MCC: variants seen among roughly 807,000 people sequenced by gnomAD.
MCC encodes colorectal mutant cancer protein.
Under a neutral mutation model 116.2 loss-of-function variants are expected in MCC, and 90 were observed. The ratio of observed to expected loss-of-function variants is 0.77; its 90% confidence interval spans 0.65 to 0.92. MCC has a LOEUF of 0.92. MCC is among the 40% of genes least tolerant of loss of function. The probability of loss-of-function intolerance (pLI) is 0.00; values close to 1 mark genes in which losing one functional copy is unlikely to be tolerated. For synonymous variants in MCC, 578 were observed against 510.5 expected, an observed-to-expected ratio of 1.13 and a Z score of -1.78; for missense variants, 1,516 against 1,312.2, an observed-to-expected ratio of 1.16 and a Z score of -2.40.
At chr5:113,349,812 G>T (rs956692121) in intron 2 of MCC, among the ~76,000 whole-genome samples, 1 of 151,954 alleles carries the variant, frequency 6.6e-6, no homozygotes, top group Middle Eastern at 3.4e-3. Context: ...CCACCAAAAA[G>T]TTATTAGAAC....
intron 8 of MCC, among the ~76,000 whole-genome samples, chr5:113,098,612 TTGC>T (rs890228934): frequency 3.3e-5 from 5 of 152,224 alleles, no homozygotes; most frequent in Non-Finnish European, 7.3e-5. Context: ...AAATTGCCTG[TTGC>T]TCCTTAGGTA....
intron 3 of MCC, among the ~76,000 whole-genome samples, chr5:113,177,893 A>G (rs571665310): frequency 6.6e-6 from 1 of 152,330 alleles, no homozygotes; most frequent in South Asian, 2.1e-4. Flanking sequence ...ATCTTTACTA[A>G]TTTAAAATAA....
chr5:113,109,673 T>C (rs1756969631), intron 6 of MCC, among the ~76,000 whole-genome samples: 1 of 152,302 alleles, frequency 6.6e-6, no homozygotes, highest in South Asian at 2.1e-4. Context: ...AATAAATGTA[T>C]ATCAGTGAGT....
chr5:113,085,886 C>T (rs1014779174), intron 8 of MCC, among the ~76,000 whole-genome samples: 14 of 152,128 alleles, frequency 9.2e-5, no homozygotes, highest in South Asian at 8.3e-4. Flanking sequence ...GATAGAGTCT[C>T]GCTATGTTGC....
At chr5:113,453,128 T>C (rs570525625) in intron 1 of MCC, among the ~76,000 whole-genome samples, 13 of 152,344 alleles carry the variant, frequency 8.5e-5, no homozygotes, top group African/African-American at 2.2e-4. Context: ...AGCAGTCTTA[T>C]TGAGTTTTCC....
At chr5:113,425,067 C>T (rs1770445497) in intron 1 of MCC, among the ~76,000 whole-genome samples, 1 of 151,954 alleles carries the variant, frequency 6.6e-6, no homozygotes, top group African/African-American at 2.4e-5. Flanking sequence ...ATAGGGTCCA[C>T]AAAGGACCAC....
intron 1 of MCC, among the ~76,000 whole-genome samples, chr5:113,472,004 C>T (rs1003409728): frequency 3.9e-5 from 6 of 152,100 alleles, no homozygotes; most frequent in African/African-American, 7.2e-5. Context: ...TTTTTAAGCC[C>T]GTTGGAAAAG....
At chr5:113,093,489 C>A (rs1755789040) in intron 8 of MCC, among the ~76,000 whole-genome samples, 1 of 151,968 alleles carries the variant, frequency 6.6e-6, no homozygotes. Context: ...CTCTCTCTCT[C>A]TCAATCAATC....
chr5:113,417,802 G>A (rs778061145), intron 1 of MCC, among the ~76,000 whole-genome samples: 1 of 152,026 alleles, frequency 6.6e-6, no homozygotes, highest in African/African-American at 2.4e-5. Context: ...AGTGGTACAC[G>A]CCTGTAGTCC....
intron 3 of MCC, among the ~76,000 whole-genome samples, chr5:113,327,201 T>C (rs1235878555): frequency 6.6e-6 from 1 of 151,992 alleles, no homozygotes; most frequent in Non-Finnish European, 1.5e-5. Flanking sequence ...ACTCCTAAGC[T>C]GTTTGCTTGA....
chr5:113,457,541 G>C (rs1771607616), intron 1 of MCC, among the ~76,000 whole-genome samples: 1 of 152,214 alleles, frequency 6.6e-6, no homozygotes, highest in Non-Finnish European at 1.5e-5. Flanking sequence ...CGCATGGCGT[G>C]GGACTGGCAG....
chr5:113,127,555 G>C (rs1284946991), intron 5 of MCC, among the ~76,000 whole-genome samples: 1 of 152,194 alleles, frequency 6.6e-6, no homozygotes. Context: ...TGACTGGTGT[G>C]AGATGGTGTG....
chr5:113,295,748 T>C (rs1766692945), intron 3 of MCC, among the ~76,000 whole-genome samples: 1 of 152,134 alleles, frequency 6.6e-6, no homozygotes, highest in Admixed American at 6.5e-5. Flanking sequence ...GGAACTAGGA[T>C]TTTTCTCTCC....
intron 1 of MCC, among the ~76,000 whole-genome samples, chr5:113,395,955 G>C (rs1249306586): frequency 6.6e-6 from 1 of 152,168 alleles, no homozygotes; most frequent in Admixed American, 6.5e-5. Context: ...GGCTTCCTAA[G>C]TAGTTCAGAG....
intron 6 of MCC, among the ~76,000 whole-genome samples, chr5:113,111,939 C>T (rs139316588): frequency 2.9e-4 from 44 of 152,320 alleles, no homozygotes; most frequent in African/African-American, 6.3e-4. Flanking sequence ...CCATTAACTA[C>T]GGCAGAGTTG....
At chr5:113,154,516 A>G (rs985428188) in intron 3 of MCC, among the ~76,000 whole-genome samples, 2 of 152,114 alleles carry the variant, frequency 1.3e-5, no homozygotes, top group Non-Finnish European at 2.9e-5. Context: ...TGGACACTCA[A>G]TCTCTGTGCG....
At chr5:113,484,039 A>G (rs1772449795) in intron 1 of MCC, among the ~76,000 whole-genome samples, 1 of 152,160 alleles carries the variant, frequency 6.6e-6, no homozygotes, top group Non-Finnish European at 1.5e-5. Flanking sequence ...ACTGGGGCCT[A>G]TCAGAGGGTG....
chr5:113,266,323 TTCAC>T (rs1401515286), intron 3 of MCC, among the ~76,000 whole-genome samples: 11 of 152,124 alleles, frequency 7.2e-5, no homozygotes, highest in African/African-American at 2.7e-4. Context: ...AGACTAGATA[TTCAC>T]TCCCCCAAAG....
intron 6 of MCC, among the ~76,000 whole-genome samples, chr5:113,104,905 A>G (rs1756642722): frequency 6.6e-6 from 1 of 152,226 alleles, no homozygotes; most frequent in East Asian, 1.9e-4. Context: ...CATCAGGGGG[A>G]AAAATAAACT....
Sources: allele counts gnomAD v4.1 joint callset (sites outside exome capture counted in the v4.1 genomes callset), GRCh38; gene constraint gnomAD v4.1.1; transcripts MANE v1.5; gene names NCBI Gene and HGNC (gene_info 2026-07-23, HGNC 2026-07-21).